Variants in SLC23A1 observed in about 807,000 individuals in gnomAD.
SLC23A1 encodes solute carrier family 23 member 1, also known as Na(+)/L-ascorbic acid transporter 1.
A neutral mutation model predicts 62.5 loss-of-function variants in SLC23A1; 31 were observed. The observed-to-expected ratio is 0.50, with a 90% confidence interval of 0.37 to 0.67. The LOEUF is 0.67. SLC23A1 is among the 30% of genes least tolerant of loss of function. The pLI is 0.00. For synonymous variants in SLC23A1, 271 were observed against 313.2 expected (o/e 0.87, Z 1.42); for missense variants, 640 against 782.7 (o/e 0.82, Z 2.18).
intron 13 of SLC23A1, among the ~76,000 whole-genome samples, chr5:139,373,640 T>C (rs1360527166): frequency 6.6e-6 from 1 of 152,022 alleles, no homozygotes; most frequent in African/African-American, 2.4e-5. Flanking sequence ...AACAAACCCA[T>C]GAGTAGCACA....
At position 139,380,964 on chromosome 5, in the gene SLC23A1, G is replaced by A. The variant is rs375794630; in HGVS notation, c.309-78C>T. 3.8e-5 allele frequency: 28 copies of A among 730,990 alleles called. No individual in the cohort carries two copies. In the African/African-American group the frequency reaches 4.4e-4, roughly 11 times the overall value. 45.3% of individuals were successfully genotyped at this position (730,990 alleles called of 1,614,324 possible). On this transcript the variant is annotated intron_variant, in intron 3 of 14. Transcript: ENST00000348729. ...GGATAAAGATGCGGGGAGAGATCAG[G>A]AAGGGAGAGCACAGAGAGAGTGACA... is the stretch of plus-strand genomic sequence containing the variant.
In SLC23A1 at chr5:139,379,473, G is replaced by T; in HGVS notation, c.926-119C>A. On this transcript the variant is annotated intron_variant, in intron 8 of 14. Transcript: ENST00000348729. This position sits in a 1 kb window ranked among gnomAD's most constrained non-coding sequence, Gnocchi z 4.7. ...CAGGAGACCTCAGGCTGGGATGGGA[G>T]CTATACAGTTGTGGGAGCTTATTTG... 8.9e-7 allele frequency: 1 copy of T among 1,117,628 alleles called. No homozygotes were observed. The highest frequency in any genetic ancestry group is 1.3e-6 in the Non-Finnish European group (1 of 748,512). 69.2% of individuals were successfully genotyped at this position (1,117,628 alleles called of 1,614,324 possible).
rs1466294430 is a variant in SLC23A1 at position 139,379,992 on chromosome 5, G to A, written c.732C>T (p.Leu244=). The stretch of plus-strand genomic sequence containing the variant: ...TGAAGATCTGGATGCGGAGGAGAGT[G>A]AGGCCCTTGCCCCAGCGGTAGACAG... ...LLPVYRWGKG[L]TLLRIQIFKM... The change falls in exon 7 of 15, where the codon CTC becomes CTT. Residue 244 remains leucine (L), a synonymous_variant. Coordinates refer to ENST00000348729, the MANE Select transcript of SLC23A1 (RefSeq NM_005847.5). This position sits in a 1 kb window ranked among gnomAD's most constrained non-coding sequence, Gnocchi z 4.7. 5.0e-6 allele frequency: 8 copies of A among 1,614,130 alleles called. No homozygotes were observed. The South Asian group carries it at 6.6e-5, about 13-fold the overall frequency.
At chr5:139,376,420 A>T (rs1337392041) in intron 13 of SLC23A1, among the ~76,000 whole-genome samples, 1 of 152,048 alleles carries the variant, frequency 6.6e-6, no homozygotes, top group Non-Finnish European at 1.5e-5. Context: ...CACCCGCCTT[A>T]GCCTCCCAAA....
chr5:139,382,288 C>T (rs1361033027), intron 2 of SLC23A1: 1 of 600,846 alleles, frequency 1.7e-6, no homozygotes, highest in African/African-American at 1.9e-5. Context: ...GTCACCAACA[C>T]CCCACCTGGC....
chr5:139,372,280 C>G, intron 13 of SLC23A1, 27 bp from the exon 14 acceptor site: 3 of 1,600,056 alleles, frequency 1.9e-6, no homozygotes, highest in Non-Finnish European at 2.6e-6. Context: ...AGGTCATTTA[C>G]CAAGGCCAGC....
chr5:139,367,497 G>A lies in SLC23A1; in HGVS notation c.*154C>T, dbSNP rs1052131094. 1 of 150,628 alleles carries A rather than the reference G, an allele frequency of 6.6e-6. No individual in the cohort carries two copies. The highest frequency in any genetic ancestry group is 6.6e-5 in the Admixed American group (1 of 15,078). The allele number at this position is 150,628 out of a possible 1,614,324, so 9.3% of individuals were successfully genotyped here. On this transcript the variant is annotated 3_prime_UTR_variant, in exon 15 of 15. Coordinates refer to ENST00000348729, the MANE Select transcript of SLC23A1 (RefSeq NM_005847.5). ...CCCCACCCCTTTTTTTTTAACTGATGCAAAAATTTGAATCCCAGAGAAAGG... is the reference window on the plus strand; with the variant it reads ...CCCCACCCCTTTTTTTTTAACTGATACAAAAATTTGAATCCCAGAGAAAGG...
chr5:139,384,876 T>C (rs1758449107), upstream of SLC23A1: 1 of 406,812 alleles, frequency 2.5e-6, no homozygotes, highest in Non-Finnish European at 3.3e-6. Context: ...CCTCCTGGTG[T>C]CTAGGGTTTC....
In SLC23A1 at chr5:139,368,159, C is replaced by G. The variant is rs558161555; in HGVS notation, c.*20-528G>C. On this transcript the variant is annotated intron_variant, in intron 14 of 14. Coordinates refer to ENST00000348729, the MANE Select transcript of SLC23A1 (RefSeq NM_005847.5). ...GACCATCCTGGCTAACATGGTGAAA[C>G]CCCGTCTTTACTAAAAATACAACAA... Among the ~76,000 whole-genome samples, 6 of 152,290 alleles carry G rather than the reference C, an allele frequency of 3.9e-5. No individual in the cohort carries two copies. In the East Asian group the frequency reaches 1.2e-3, roughly 29 times the overall value.
intron 5 of SLC23A1, 22 bp from the exon 6 acceptor site, chr5:139,380,411 G>C (rs369073613): frequency 3.6e-5 from 58 of 1,612,882 alleles, no homozygotes; most frequent in South Asian, 1.1e-4. Context: ...AACATCAGCC[G>C]TAAGTCACCA....
intron 12 of SLC23A1, among the ~76,000 whole-genome samples, 171 bp from the exon 13 acceptor site, chr5:139,377,668 G>T (rs909474497): frequency 6.6e-6 from 1 of 152,214 alleles, no homozygotes; most frequent in Non-Finnish European, 1.5e-5. Context: ...GTTGCTAGTT[G>T]TTCACCTGGG....
intron 14 of SLC23A1, chr5:139,368,754 A>C (rs1043858566): frequency 1.2e-6 from 2 of 1,613,650 alleles, no homozygotes; most frequent in East Asian, 2.2e-5. Flanking sequence ...TCTGAATCCA[A>C]ATGCAAAGGA....
chr5:139,380,237 T>A lies in SLC23A1; in HGVS notation c.618A>T (p.Arg206=), dbSNP rs142849496. Reference sequence around the variant, plus strand: ...CTGAGATGCCCCAGTGGGAGCCAGCTCGGTCGCCAGCAGCTTGGAAGACAG... The same window carrying A: ...CTGAGATGCCCCAGTGGGAGCCAGCACGGTCGCCAGCAGCTTGGAAGACAG... ...GLSVFQAAGD[R]AGSHWGISAC... is the part of the protein sequence containing the mutation. Residue 206 remains arginine (R), a synonymous_variant, in exon 6 of 15, where the codon CGA becomes CGT. Transcript: ENST00000348729. 34 of 1,563,512 alleles carry A rather than the reference T, an allele frequency of 2.2e-5. 1 individual carries two copies. The African/African-American group carries it at 3.4e-4, about 16-fold the overall frequency.
intron 2 of SLC23A1, 140 bp from the exon 3 acceptor site, chr5:139,382,189 TC>T: frequency 1.3e-6 from 1 of 795,754 alleles, no homozygotes; most frequent in Non-Finnish European, 2.0e-6. Flanking sequence ...CACAAGGGAT[TC>T]CCAGAGAGCT....
Position 139,379,480 on chromosome 5 carries a change from A to G in SLC23A1, c.926-126T>C. On this transcript the variant is annotated intron_variant, in intron 8 of 14. Coordinates refer to ENST00000348729, the MANE Select transcript of SLC23A1 (RefSeq NM_005847.5). This position sits in a 1 kb window ranked among gnomAD's most constrained non-coding sequence, Gnocchi z 4.7. ...CCTCAGGCTGGGATGGGAGCTATAC[A>G]GTTGTGGGAGCTTATTTGAGTCACT... 1 of 1,075,880 alleles carries G rather than the reference A, an allele frequency of 9.3e-7. No homozygotes were observed. Among genetic ancestry groups the G allele is most frequent in the South Asian group, 1.3e-5 (1 of 75,142 alleles). 66.6% of individuals were successfully genotyped at this position (1,075,880 alleles called of 1,614,324 possible).
At chr5:139,384,592 T>C (rs1561984661), upstream of SLC23A1, 1 of 1,270,150 alleles carries the variant, frequency 7.9e-7, no homozygotes, top group Admixed American at 2.3e-5. Flanking sequence ...CTCTCCAACT[T>C]CTCCTCCCAG....
chr5:139,380,846 G>A lies in SLC23A1; in HGVS notation c.349C>T (p.Pro117Ser). The stretch of plus-strand genomic sequence containing the variant: ...TCCAGAGCCAGTATGGCTTTGGCTG[G>A]AACCAGAAATGCAAAGGCACTGGCC... ...FQASAFAFLV[P>S]AKAILALERW... Residue 117 changes from proline (P) to serine (S), a missense_variant, in exon 4 of 15, where the codon CCA becomes TCA. By Grantham distance (74) the Pro-to-Ser change is moderately conservative (BLOSUM62 -1). Coordinates refer to ENST00000348729, the MANE Select transcript of SLC23A1 (RefSeq NM_005847.5). 7.3e-7 allele frequency: 1 copy of A among 1,365,282 alleles called. No individual in the cohort carries two copies. The highest frequency in any genetic ancestry group is 9.7e-7 in the Non-Finnish European group (1 of 1,032,674). The allele number at this position is 1,365,282 out of a possible 1,614,324, so 84.6% of individuals were successfully genotyped here. A position where few individuals can be genotyped will look rare whatever the true frequency, so the allele number is the denominator to read the frequency against.
upstream of SLC23A1, chr5:139,384,233 G>A (rs951579601): frequency 6.6e-6 from 5 of 761,136 alleles, no homozygotes; most frequent in African/African-American, 7.4e-5. Context: ...GCCTGAGATG[G>A]CAGAGGGGGA....
intron 12 of SLC23A1, 99 bp downstream of exon 12, chr5:139,377,876 G>A: frequency 8.1e-7 from 1 of 1,240,418 alleles, no homozygotes; most frequent in East Asian, 2.5e-5. Context: ...AGTTGGGTAC[G>A]ATTTGTGGCT....
Sources: gnomAD v4.1 joint callset for allele counts (sites outside exome capture counted in the v4.1 genomes callset) on GRCh38, gnomAD v4.1.1 for gene constraint, Gnocchi (gnomAD v3.1) non-coding constraint, MANE v1.5 for transcripts, NCBI Gene and HGNC (gene_info 2026-07-23, HGNC 2026-07-21) for gene names.